The following EPS15 variants were observed in gnomAD, a reference collection of about 807,000 sequenced individuals.
EPS15 encodes epidermal growth factor receptor pathway substrate 15.
Under a neutral mutation model 113.8 loss-of-function variants are expected in EPS15, and 72 were observed. The ratio of observed to expected loss-of-function variants is 0.63; its 90% CI spans 0.52 to 0.77. The LOEUF (loss-of-function observed/expected upper bound fraction) is 0.77, where lower values mean the gene tolerates loss of function less well. EPS15 is among the 30% of genes least tolerant of loss of function. EPS15 has a pLI of 0.00. For synonymous variants in EPS15, 344 were observed against 363.4 expected (o/e 0.95, Z 0.61); for missense variants, 1,048 against 1,045.8 (o/e 1.00, Z -0.03).
At chr1:51,471,832 C>T in intron 3 of EPS15, 95 bp from the exon 4 acceptor site, 1 of 892,636 alleles carries the variant, frequency 1.1e-6, no homozygotes, top group Non-Finnish European at 1.8e-6. Context: ...CTCAGGCTCT[C>T]TGGTAATCAG....
rs1653137753 is a variant in EPS15 at position 51,447,228 on chromosome 1, A to C, written c.652-123T>G. On this transcript the variant is annotated intron_variant, in intron 9 of 24. Coordinates refer to ENST00000371733, the MANE Select transcript of EPS15 (RefSeq NM_001981.3). ...CAATTCTACCCTACTAACTCAGAGC[A>C]ACAATGTATCACTTCCATATGACAT... The C allele has an allele frequency of 5.2e-6, 4 of 764,866 alleles. No individual in the cohort carries two copies. The South Asian group carries it at 8.0e-5, about 15-fold the overall frequency. 47.4% of individuals were successfully genotyped at this position (764,866 alleles called of 1,614,324 possible).
At chr1:51,502,727 G>T (rs1960844) in intron 1 of EPS15, among the ~76,000 whole-genome samples, 9,571 of 152,106 alleles carry the variant, frequency 0.063, 963 homozygotes, top group African/African-American at 0.21. Context: ...ATTCCAGGCT[G>T]GGCACGGTGG....
chr1:51,356,684 A>T lies in EPS15; in HGVS notation c.*16T>A. The T allele has an allele frequency of 1.2e-6, 2 of 1,611,062 alleles. No homozygotes were observed. The highest frequency in any genetic ancestry group is 1.7e-6 in the Non-Finnish European group (2 of 1,178,358). ...AAGAAGAATACTATATTGTTGCCAA[A>T]GAACAAGAGAATTCTTCATGCTTCT... On this transcript the variant is annotated 3_prime_UTR_variant, in exon 25 of 25. Transcript: ENST00000371733.
intron 1 of EPS15, among the ~76,000 whole-genome samples, chr1:51,488,647 T>C (rs930067844): frequency 1.3e-5 from 2 of 152,110 alleles, no homozygotes; most frequent in Admixed American, 6.5e-5. Flanking sequence ...TGAAGTGCAG[T>C]GATACAATCA....
At chr1:51,457,708 G>A (rs556008284) in intron 8 of EPS15, 23 of 152,036 alleles carry the variant, frequency 1.5e-4, no homozygotes, top group Admixed American at 8.5e-4. Flanking sequence ...CATGAGACCA[G>A]GAGTGGAATT....
At chr1:51,468,364 G>T in intron 5 of EPS15, 109 bp downstream of exon 5, 2 of 825,300 alleles carry the variant, frequency 2.4e-6, no homozygotes, top group South Asian at 1.5e-5. Flanking sequence ...GTAGCTGAGT[G>T]AAAGGGCCAA....
At chr1:51,415,134 T>C (rs1650086121) in intron 13 of EPS15, among the ~76,000 whole-genome samples, 1 of 152,222 alleles carries the variant, frequency 6.6e-6, no homozygotes, top group Admixed American at 6.5e-5. Context: ...TCAATGCTGG[T>C]TTCCTTTAAT....
chr1:51,450,276 T>TATAA (rs1310136208), intron 8 of EPS15, among the ~76,000 whole-genome samples: 1 of 151,798 alleles, frequency 6.6e-6, no homozygotes, highest in Non-Finnish European at 1.5e-5. Flanking sequence ...TTTGTATTGC[T>TATAA]ATAAATAAAT....
chr1:51,468,692 C>G, intron 4 of EPS15, 124 bp from the exon 5 acceptor site: 1 of 632,208 alleles, frequency 1.6e-6, no homozygotes. Context: ...TATGTAGCAA[C>G]AAGTAGCATA....
intron 11 of EPS15, among the ~76,000 whole-genome samples, chr1:51,441,656 C>A (rs1180223445): frequency 6.6e-6 from 1 of 152,112 alleles, no homozygotes; most frequent in Non-Finnish European, 1.5e-5. Flanking sequence ...ATTTACAATT[C>A]ACTAAGCACT....
chr1:51,401,685 G>T (rs1202433770), intron 18 of EPS15, among the ~76,000 whole-genome samples: 3 of 152,214 alleles, frequency 2.0e-5, no homozygotes, highest in Admixed American at 6.5e-5. Context: ...CATCTAGAAA[G>T]ATGTTCAACA....
At chr1:51,492,979 G>A (rs1644262007) in intron 1 of EPS15, among the ~76,000 whole-genome samples, 1 of 152,138 alleles carries the variant, frequency 6.6e-6, no homozygotes. Context: ...TGTAATCCCA[G>A]CACTTTGGGA....
intron 20 of EPS15, among the ~76,000 whole-genome samples, chr1:51,395,842 CT>C (rs1257804562): frequency 1.3e-5 from 2 of 152,128 alleles, no homozygotes; most frequent in African/African-American, 4.8e-5. Flanking sequence ...TTATATGCAA[CT>C]CTGATGCATG....
At chr1:51,512,586 G>A (rs79432665) in intron 1 of EPS15, among the ~76,000 whole-genome samples, 5 of 151,700 alleles carry the variant, frequency 3.3e-5, no homozygotes, top group Non-Finnish European at 7.4e-5. Context: ...CAGTGAGAAA[G>A]AAGACAAACA....
At chr1:51,390,103 G>C (rs1249781138) in intron 21 of EPS15, among the ~76,000 whole-genome samples, 1 of 152,092 alleles carries the variant, frequency 6.6e-6, no homozygotes, top group South Asian at 2.1e-4. Flanking sequence ...CATGGTACTG[G>C]TACCAAAACA....
In EPS15 at chr1:51,355,757, CAG is replaced by C. The variant is rs1646204839; in HGVS notation, c.*941_*942del. 1 of 191,270 alleles carries C rather than the reference CAG, an allele frequency of 5.2e-6. No homozygotes were observed. Among genetic ancestry groups the C allele is most frequent in the African/African-American group, 2.3e-5 (1 of 42,684 alleles). The allele number at this position is 191,270 out of a possible 1,614,324, so 11.8% of individuals were successfully genotyped here. A position where few individuals can be genotyped will look rare whatever the true frequency, so the allele number is the denominator to read the frequency against. ...ATATATGAAAAATTAAAGTACCTTC[CAG>C]TTCTAGCTTGCTGAAGTTTCTTCTG... On this transcript the variant is annotated 3_prime_UTR_variant, in exon 25 of 25. Transcript: ENST00000371733.
At chr1:51,357,426 A>ATATATATATATT (rs1443627608) in intron 24 of EPS15, among the ~76,000 whole-genome samples, 8 of 53,544 alleles carry the variant, frequency 1.5e-4, no homozygotes, top group African/African-American at 1.9e-4. Context: ...ATATATATAT[A>ATATATATATATT]TTTTTTTTTT....
intron 1 of EPS15, among the ~76,000 whole-genome samples, chr1:51,508,234 A>AG (rs1557536346): frequency 2.1e-5 from 2 of 95,002 alleles, no homozygotes; most frequent in African/African-American, 4.3e-5. Context: ...AAAAGAAAAG[A>AG]AAAGAAAGAG....
chr1:51,463,910 T>C, intron 6 of EPS15, 112 bp from the exon 7 acceptor site: 3 of 520,554 alleles, frequency 5.8e-6, no homozygotes. Flanking sequence ...AACTATCATT[T>C]AAAAAACATT....
Sources: gnomAD v4.1 joint callset for allele counts (sites outside exome capture counted in the v4.1 genomes callset) on GRCh38, gnomAD v4.1.1 for gene constraint, MANE v1.5 for transcripts, NCBI Gene and HGNC (gene_info 2026-07-23, HGNC 2026-07-21) for gene names.